Variants in RBFOX1 observed in about 807,000 individuals in gnomAD.
RBFOX1 encodes RNA binding fox-1 homolog 1, also known as RNA binding protein fox-1 homolog 1.
RBFOX1 carries 8 observed loss-of-function variants against 57.7 expected under a neutral mutation model. That is an observed-to-expected ratio of 0.14 (90% CI 0.08 to 0.25). The LOEUF is 0.25. RBFOX1 is among the 10% of genes least tolerant of loss of function. The probability of loss-of-function intolerance (pLI) is 1.00; values close to 1 mark genes in which losing one functional copy is unlikely to be tolerated. For missense variants in RBFOX1, 611 were observed against 548.5 expected, an observed-to-expected ratio of 1.11 and a Z score of -1.14; for synonymous variants, 326 against 222.4, an observed-to-expected ratio of 1.47 and a Z score of -4.15.
chr16:6,875,111 C>G (rs1229214767), intron 3 of RBFOX1, among the ~76,000 whole-genome samples: 1 of 152,134 alleles, frequency 6.6e-6, no homozygotes, highest in East Asian at 1.9e-4. Context: ...TATCAATTGA[C>G]TGTGTTACCC....
At chr16:5,861,552 T>A (rs2057213921) in intron 3 of RBFOX1, among the ~76,000 whole-genome samples, 1 of 152,244 alleles carries the variant, frequency 6.6e-6, no homozygotes, top group Non-Finnish European at 1.5e-5. Flanking sequence ...AAGGAATGAA[T>A]GTCCATTGTG....
At chr16:6,176,384 C>A (rs572255723) in intron 1 of RBFOX1, among the ~76,000 whole-genome samples, 29 of 145,824 alleles carry the variant, frequency 2.0e-4, no homozygotes, top group Admixed American at 8.5e-4. Flanking sequence ...GTCTCAAACT[C>A]CTGACCTCAG....
At chr16:7,439,913 G>T (rs180733772) in intron 4 of RBFOX1, among the ~76,000 whole-genome samples, 112 of 148,756 alleles carry the variant, frequency 7.5e-4, no homozygotes, top group Non-Finnish European at 1.3e-3. Flanking sequence ...AAGGCTCCAG[G>T]TTTCCTGAAC....
At chr16:7,023,912 A>G (rs552836358) in intron 3 of RBFOX1, among the ~76,000 whole-genome samples, 183 of 152,226 alleles carry the variant, frequency 1.2e-3, no homozygotes, top group African/African-American at 4.3e-3. Context: ...GGAGTTGAAA[A>G]CAAGGAAGAC....
intron 2 of RBFOX1, among the ~76,000 whole-genome samples, chr16:5,511,864 C>A (rs1049557217): frequency 6.6e-6 from 1 of 152,180 alleles, no homozygotes; most frequent in Non-Finnish European, 1.5e-5. Flanking sequence ...CACTCCCCAG[C>A]AGAGTTGAGT....
intron 1 of RBFOX1, among the ~76,000 whole-genome samples, chr16:5,402,110 C>T (rs1567454315): frequency 6.6e-6 from 1 of 151,836 alleles, no homozygotes; most frequent in Non-Finnish European, 1.5e-5. Flanking sequence ...ATTTACCAGT[C>T]CCAGGCTTCA....
intron 3 of RBFOX1, among the ~76,000 whole-genome samples, chr16:6,824,330 A>G (rs573159262): frequency 8.5e-5 from 13 of 152,292 alleles, no homozygotes; most frequent in Admixed American, 7.8e-4. Context: ...CACTTGAACC[A>G]GAGAGGCACA....
At chr16:5,516,937 G>C (rs539087647) in intron 2 of RBFOX1, among the ~76,000 whole-genome samples, 28 of 151,530 alleles carry the variant, frequency 1.8e-4, no homozygotes, top group African/African-American at 6.8e-4. Context: ...CCCAGTCTCA[G>C]GTATTTCTTA....
At chr16:6,963,011 C>A (rs764107002) in intron 3 of RBFOX1, among the ~76,000 whole-genome samples, 5 of 152,268 alleles carry the variant, frequency 3.3e-5, no homozygotes, top group Admixed American at 1.3e-4. Context: ...AGCCAAGAAT[C>A]AGCTCTGTAA....
At position 7,533,707 on chromosome 16, in the gene RBFOX1, C is replaced by T. The variant is rs534639992; in HGVS notation, c.270+15318C>T. On this transcript the variant is annotated intron_variant, in intron 5 of 15. Coordinates refer to ENST00000550418, the MANE Select transcript of RBFOX1 (RefSeq NM_018723.4). ...AGGAAAAACAGAATGGTTGTATGGG[C>T]ACTCAAAGCATGATTTCTACTGAAT... Among the ~76,000 whole-genome samples the T allele has an allele frequency of 4.6e-5, 7 of 152,318 alleles. No individual in the cohort carries two copies. The East Asian group carries it at 5.8e-4, about 13-fold the overall frequency.
intron 4 of RBFOX1, among the ~76,000 whole-genome samples, chr16:7,508,698 C>G (rs772927263): frequency 6.6e-6 from 1 of 152,100 alleles, no homozygotes; most frequent in Non-Finnish European, 1.5e-5. Flanking sequence ...AAAGAAAAAC[C>G]TCGCCCAGGG....
rs185946363 is a variant in RBFOX1 at position 7,321,915 on chromosome 16, A to G, written c.28-196232A>G. 2.2e-3 allele frequency among the ~76,000 whole-genome samples: 338 copies of G among 152,290 alleles called. 1 individual carries two copies. The highest frequency in any genetic ancestry group is 7.9e-3 in the African/African-American group (327 of 41,562). ...GCAGAGAGACCATCTTGCAGCAGTC[A>G]GCCCCTTGGCTAATCCTCTCCAATG... On this transcript the variant is annotated intron_variant, in intron 4 of 15. Transcript: ENST00000550418.
At chr16:5,919,189 A>T (rs1001940496) in intron 4 of RBFOX1, among the ~76,000 whole-genome samples, 8 of 152,334 alleles carry the variant, frequency 5.3e-5, no homozygotes, top group African/African-American at 1.9e-4. Context: ...ACTTCAGTGA[A>T]GGTCAGGCTG....
At chr16:6,989,879 T>C (rs1384026966) in intron 3 of RBFOX1, among the ~76,000 whole-genome samples, 2 of 152,106 alleles carry the variant, frequency 1.3e-5, no homozygotes, top group Non-Finnish European at 2.9e-5. Context: ...GGGCACCGTA[T>C]AATCCCAGCT....
intron 4 of RBFOX1, among the ~76,000 whole-genome samples, chr16:7,200,364 C>T (rs2088024348): frequency 6.6e-6 from 1 of 152,194 alleles, no homozygotes; most frequent in Non-Finnish European, 1.5e-5. Context: ...TGACAGGAAG[C>T]ACGCATGTGC....
intron 3 of RBFOX1, among the ~76,000 whole-genome samples, chr16:6,955,656 C>T (rs966843266): frequency 6.6e-6 from 1 of 151,498 alleles, no homozygotes; most frequent in South Asian, 2.1e-4. Flanking sequence ...TCATCTTTTG[C>T]TACACCACCA....
At chr16:7,361,167 T>C (rs928781421) in intron 4 of RBFOX1, among the ~76,000 whole-genome samples, 1 of 152,134 alleles carries the variant, frequency 6.6e-6, no homozygotes, top group Non-Finnish European at 1.5e-5. Flanking sequence ...AAGCTTCTGC[T>C]CCTAACCTGG....
intron 2 of RBFOX1, among the ~76,000 whole-genome samples, chr16:5,468,741 A>T (rs1412978823): frequency 6.6e-6 from 1 of 152,204 alleles, no homozygotes; most frequent in Non-Finnish European, 1.5e-5. Context: ...TACAACTTGG[A>T]TGAATCTTGA....
At chr16:6,154,060 C>G (rs1483369260) in intron 1 of RBFOX1, among the ~76,000 whole-genome samples, 1 of 152,198 alleles carries the variant, frequency 6.6e-6, no homozygotes, top group Non-Finnish European at 1.5e-5. Flanking sequence ...TCATGGAAAC[C>G]TCCACTGGCA....
Sources: allele counts gnomAD v4.1 joint callset (sites outside exome capture counted in the v4.1 genomes callset), GRCh38; gene constraint gnomAD v4.1.1; transcripts MANE v1.5; gene names NCBI Gene and HGNC (gene_info 2026-07-23, HGNC 2026-07-21).